Variants in HS6ST2 observed in about 807,000 individuals in gnomAD.
The protein encoded by HS6ST2 is heparan sulfate 6-O-sulfotransferase 2.
Under a neutral mutation model 33.0 loss-of-function variants are expected in HS6ST2, and 17 were observed. The observed-to-expected ratio is 0.52, with a 90% CI of 0.35 to 0.77. The LOEUF (loss-of-function observed/expected upper bound fraction) is 0.77. Ranked by LOEUF, HS6ST2 falls within the 30% of genes least tolerant of loss-of-function variation. The pLI is 0.01. For synonymous variants in HS6ST2, 248 were observed against 237.1 expected (o/e 1.05, Z -0.42); for missense variants, 519 against 551.7 (o/e 0.94, Z 0.59).
intron 2 of HS6ST2, among the ~76,000 whole-genome samples, chrX:132,942,507 C>T (rs2066897552): frequency 8.9e-6 from 1 of 112,056 alleles, no homozygotes; most frequent in African/African-American, 3.2e-5. Context: ...AATGGTCACT[C>T]CTATGGGAAT....
intron 2 of HS6ST2, among the ~76,000 whole-genome samples, chrX:132,741,158 C>T (rs772196146): frequency 3.6e-5 from 4 of 111,678 alleles, no homozygotes; most frequent in Admixed American, 1.9e-4. Context: ...TGGCCAGCTG[C>T]GCCGGCAAAG....
intron 2 of HS6ST2, among the ~76,000 whole-genome samples, chrX:132,777,363 AT>A (rs2064971453): frequency 9.1e-6 from 1 of 109,920 alleles, no homozygotes; most frequent in African/African-American, 3.3e-5. Flanking sequence ...AAGAAAAAAA[AT>A]AAGTTAAAAT....
chrX:132,646,843 G>A (rs190901641), intron 4 of HS6ST2, among the ~76,000 whole-genome samples: 12 of 111,998 alleles, frequency 1.1e-4, no homozygotes, highest in African/African-American at 1.9e-4. Context: ...CAGTCATGGC[G>A]GAAGGCAAAG....
chrX:132,912,642 T>C (rs1376299473), intron 2 of HS6ST2, among the ~76,000 whole-genome samples: 1 of 112,169 alleles, frequency 8.9e-6, no homozygotes, highest in Non-Finnish European at 1.9e-5. Context: ...ATTTTGTCCC[T>C]TTTACTGACC....
chrX:132,868,346 C>T (rs1602777199), intron 2 of HS6ST2, among the ~76,000 whole-genome samples: 1 of 111,914 alleles, frequency 8.9e-6, no homozygotes. Context: ...GAGACTTTAA[C>T]ACCTCACTGT....
Position 132,742,474 on chromosome X carries a change from C to T in HS6ST2, c.948-33980G>A, listed in dbSNP as rs143576469. On this transcript the variant is annotated intron_variant, in intron 2 of 4. Coordinates refer to ENST00000370833, the MANE Select transcript of HS6ST2 (RefSeq NM_001394073.1). ...ATAAGGGCTCCTCCCACTGTGTACCCCACCCCTAGACAGGCTACCACATGG... is the reference window on the plus strand; with the variant it reads ...ATAAGGGCTCCTCCCACTGTGTACCTCACCCCTAGACAGGCTACCACATGG... Among the ~76,000 whole-genome samples the T allele has an allele frequency of 2.7e-5, 3 of 111,432 alleles. No homozygotes were observed. In the East Asian group the frequency reaches 8.5e-4, roughly 32 times the overall value.
At chrX:132,790,087 G>T (rs762340101) in intron 2 of HS6ST2, among the ~76,000 whole-genome samples, 2 of 112,181 alleles carry the variant, frequency 1.8e-5, no homozygotes, top group African/African-American at 3.2e-5. Flanking sequence ...TTTTACTGTG[G>T]GTAAAATCCT....
rs1227476930 is a variant in HS6ST2, at chrX:132,688,305, T to C, written c.981-19106A>G. 3.6e-5 allele frequency among the ~76,000 whole-genome samples: 4 copies of C among 112,005 alleles called. No individual in the cohort carries two copies. The East Asian group carries it at 1.1e-3, about 31-fold the overall frequency. ...AAAATAACATGTAATTGAAAATATA[T>C]GGTCATAATGGTATGAAACTATTGA... On this transcript the variant is annotated intron_variant, in intron 3 of 4. Coordinates refer to ENST00000370833, the MANE Select transcript of HS6ST2 (RefSeq NM_001394073.1).
At chrX:132,751,100 C>T (rs537015202) in intron 2 of HS6ST2, among the ~76,000 whole-genome samples, 2 of 111,843 alleles carry the variant, frequency 1.8e-5, no homozygotes, top group Non-Finnish European at 3.8e-5. Context: ...GTTCTGGAAA[C>T]GCTATTCATG....
intron 2 of HS6ST2, among the ~76,000 whole-genome samples, chrX:132,918,966 G>T (rs1279371628): frequency 8.9e-6 from 1 of 112,087 alleles, no homozygotes; most frequent in African/African-American, 3.2e-5. Flanking sequence ...ATTCCTACTG[G>T]GTGGTGGACT....
chrX:132,652,144 C>T (rs1489037521), intron 4 of HS6ST2, among the ~76,000 whole-genome samples: 1 of 111,665 alleles, frequency 9.0e-6, no homozygotes, highest in Non-Finnish European at 1.9e-5. Flanking sequence ...CAGGCACAAG[C>T]CAGGCTTCCA....
At chrX:132,716,660 G>T (rs917479394) in intron 2 of HS6ST2, among the ~76,000 whole-genome samples, 6 of 112,014 alleles carry the variant, frequency 5.4e-5, no homozygotes, top group East Asian at 2.8e-4. Flanking sequence ...CAGTATTTTT[G>T]ACTTAAAGGA....
chrX:132,665,856 A>G (rs918138204), intron 4 of HS6ST2, among the ~76,000 whole-genome samples: 10 of 110,389 alleles, frequency 9.1e-5, no homozygotes, highest in Non-Finnish European at 1.5e-4. Flanking sequence ...TGCTGCTCAG[A>G]CATATCCCAT....
At chrX:132,882,822 G>C (rs1176430783) in intron 2 of HS6ST2, among the ~76,000 whole-genome samples, 2 of 111,536 alleles carry the variant, frequency 1.8e-5, no homozygotes, top group Admixed American at 9.6e-5. Context: ...TTTATTGAGA[G>C]TTTTTAGCAT....
At chrX:132,929,839 G>A (rs2066747655) in intron 2 of HS6ST2, among the ~76,000 whole-genome samples, 2 of 111,733 alleles carry the variant, frequency 1.8e-5, no homozygotes, top group Admixed American at 1.9e-4. Context: ...TATGCAAAAG[G>A]TCCACAAAAC....
chrX:132,705,186 C>CGTGT (rs780815738), intron 3 of HS6ST2, among the ~76,000 whole-genome samples: 12,424 of 81,142 alleles, frequency 0.15, 662 homozygotes, highest in East Asian at 0.38. Context: ...GATGTGGGCA[C>CGTGT]GCGTGTGTGT....
intron 4 of HS6ST2, among the ~76,000 whole-genome samples, chrX:132,648,585 T>C (rs1166481352): frequency 9.6e-6 from 1 of 103,902 alleles, no homozygotes; most frequent in African/African-American, 3.6e-5. Flanking sequence ...AGAGAACAAG[T>C]TTAAATTGTA....
At chrX:132,886,488 G>C (rs946148215) in intron 2 of HS6ST2, among the ~76,000 whole-genome samples, 2 of 110,926 alleles carry the variant, frequency 1.8e-5, no homozygotes, top group Non-Finnish European at 3.8e-5. Context: ...TTCTAGGAGA[G>C]AAGACAAAAA....
chrX:132,650,755 C>G (rs1028768468), intron 4 of HS6ST2, among the ~76,000 whole-genome samples: 13 of 107,594 alleles, frequency 1.2e-4, no homozygotes, highest in Admixed American at 2.0e-4. Context: ...CTCTCTCTCT[C>G]TCTCTCTCTC....
Sources: gnomAD v4.1 joint callset for allele counts (sites outside exome capture counted in the v4.1 genomes callset) on GRCh38, gnomAD v4.1.1 for gene constraint, MANE v1.5 for transcripts, NCBI Gene and HGNC (gene_info 2026-07-23, HGNC 2026-07-21) for gene names.